NSUN3: variants seen among roughly 807,000 people sequenced by gnomAD.
The protein encoded by NSUN3 is tRNA (cytosine(34)-C(5))-methyltransferase, mitochondrial.
In NSUN3, 24 loss-of-function variants were observed where a neutral mutation model predicts 36.8. That is an observed-to-expected ratio of 0.65 (90% confidence interval 0.47 to 0.92). The LOEUF is 0.92. Ranked by LOEUF, NSUN3 falls within the 40% of genes least tolerant of loss-of-function variation. The probability of loss-of-function intolerance (pLI) is 0.00; values close to 1 mark genes in which losing one functional copy is unlikely to be tolerated. For synonymous variants in NSUN3, 146 were observed against 145.2 expected, an observed-to-expected ratio of 1.01 and a Z score of -0.04; for missense variants, 381 against 392.8, an observed-to-expected ratio of 0.97 and a Z score of 0.25.
At chr3:94,117,881 G>A (rs2107271586) in intron 5 of NSUN3, among the ~76,000 whole-genome samples, 1 of 152,248 alleles carries the variant, frequency 6.6e-6, no homozygotes, top group East Asian at 1.9e-4. Context: ...GGCTTCTGAA[G>A]GGAATATGTG....
At chr3:94,064,599 T>C (rs2077195699) in intron 2 of NSUN3, 53 bp downstream of exon 2, 1 of 1,127,058 alleles carries the variant, frequency 8.9e-7, no homozygotes, top group Non-Finnish European at 1.3e-6. Flanking sequence ...CAATATGTAG[T>C]CCTCCTTTTT....
Position 94,126,594 on chromosome 3 carries a change from T to C in NSUN3, c.*104T>C. 3 of 1,025,234 alleles carry C rather than the reference T, an allele frequency of 2.9e-6. No individual in the cohort carries two copies. Among genetic ancestry groups the C allele is most frequent in the Non-Finnish European group, 4.2e-6 (3 of 710,062 alleles). 63.5% of individuals were successfully genotyped at this position (1,025,234 alleles called of 1,614,324 possible). ...TGCAGTAACTTTCTCTGGGTCTGTT[T>C]GGAATCCTATTTAGTTAATACTTTA... is the stretch of plus-strand genomic sequence containing the variant. On this transcript the variant is annotated 3_prime_UTR_variant, in exon 6 of 6. Transcript: ENST00000314622.
At chr3:94,092,938 A>AAAG (rs2077322007) in intron 3 of NSUN3, among the ~76,000 whole-genome samples, 1 of 149,738 alleles carries the variant, frequency 6.7e-6, no homozygotes, top group African/African-American at 2.4e-5. Flanking sequence ...AAAAAAAAAA[A>AAAG]AAAAAAAGAA....
chr3:94,063,334 C>G (rs1295318429), intron 1 of NSUN3, 196 bp downstream of exon 1: 8 of 613,624 alleles, frequency 1.3e-5, no homozygotes, highest in Non-Finnish European at 2.3e-5. Context: ...TTCCGTCCAG[C>G]TCGCAGACTT....
chr3:94,121,746 A>G (rs776291280), intron 5 of NSUN3, among the ~76,000 whole-genome samples: 18 of 152,240 alleles, frequency 1.2e-4, no homozygotes, highest in Admixed American at 3.9e-4. Context: ...AAATGAATAC[A>G]TGAGATGTAT....
chr3:94,083,036 A>G (rs1235664154), intron 2 of NSUN3, among the ~76,000 whole-genome samples: 1 of 152,152 alleles, frequency 6.6e-6, no homozygotes, highest in African/African-American at 2.4e-5. Flanking sequence ...TCTCTAAGAA[A>G]AACACTTCCT....
chr3:94,086,174 C>T (rs987785342), intron 3 of NSUN3, among the ~76,000 whole-genome samples: 4 of 152,146 alleles, frequency 2.6e-5, no homozygotes, highest in Admixed American at 2.6e-4. Flanking sequence ...AAACTCTTGA[C>T]CTCAAGTGAT....
Position 94,095,237 on chromosome 3 carries a change from G to A in NSUN3, c.743+83G>A, listed in dbSNP as rs746996680. 258 of 1,369,452 alleles carry A rather than the reference G, an allele frequency of 1.9e-4. 1 individual carries two copies. The highest frequency in any genetic ancestry group is 2.5e-4 in the Non-Finnish European group (249 of 980,720). The allele number at this position is 1,369,452 out of a possible 1,614,324, so 84.8% of individuals were successfully genotyped here. A position where few individuals can be genotyped will look rare whatever the true frequency, so the allele number is the denominator to read the frequency against. On this transcript the variant is annotated intron_variant, in intron 5 of 5. Transcript: ENST00000314622. Reference sequence around the variant, plus strand: ...AATAGAACATGTCAGGCCCCCAGTGGAGGGCTTGCTGTGTAGGTGTCAATG... The same window carrying A: ...AATAGAACATGTCAGGCCCCCAGTGAAGGGCTTGCTGTGTAGGTGTCAATG...
chr3:94,124,688 CCTT>C (rs1421989735), intron 5 of NSUN3, among the ~76,000 whole-genome samples: 2 of 152,066 alleles, frequency 1.3e-5, no homozygotes, highest in African/African-American at 4.8e-5. Context: ...AATACAGTCA[CCTT>C]CTAAGGCACT....
chr3:94,119,946 T>A (rs567768167), intron 5 of NSUN3, among the ~76,000 whole-genome samples: 1 of 152,394 alleles, frequency 6.6e-6, no homozygotes, highest in East Asian at 1.9e-4. Context: ...TATACCTGCC[T>A]AATTTTAGAA....
At chr3:94,109,649 G>T (rs1338253796) in intron 5 of NSUN3, among the ~76,000 whole-genome samples, 1 of 152,198 alleles carries the variant, frequency 6.6e-6, no homozygotes, top group Non-Finnish European at 1.5e-5. Flanking sequence ...AGAAAAGTTG[G>T]TGGATTCCAC....
At chr3:94,114,746 C>T (rs2077432669) in intron 5 of NSUN3, among the ~76,000 whole-genome samples, 1 of 152,092 alleles carries the variant, frequency 6.6e-6, no homozygotes, top group South Asian at 2.1e-4. Flanking sequence ...ATAGTTTTTC[C>T]ACCCTTACCC....
intron 2 of NSUN3, among the ~76,000 whole-genome samples, chr3:94,075,756 A>G (rs1405683958): frequency 6.6e-6 from 1 of 150,496 alleles, no homozygotes; most frequent in African/African-American, 2.4e-5. Flanking sequence ...ATATTTAGAA[A>G]ACACCCACTG....
intron 2 of NSUN3, chr3:94,076,789 G>A: frequency 1.3e-6 from 2 of 1,565,826 alleles, no homozygotes; most frequent in Non-Finnish European, 1.8e-6. Flanking sequence ...AACGGGCCCT[G>A]TTTACTTCTC....
At chr3:94,085,102 C>T (rs2077286356) in intron 3 of NSUN3, 1 of 152,146 alleles carries the variant, frequency 6.6e-6, no homozygotes. Flanking sequence ...AGACTAGCCA[C>T]ATTTCAGGTG....
intron 5 of NSUN3, among the ~76,000 whole-genome samples, chr3:94,106,202 T>G (rs958882633): frequency 1.3e-5 from 2 of 152,196 alleles, no homozygotes. Flanking sequence ...GTACTAGTAC[T>G]TTATAAGAAA....
rs1331877407 is a variant in NSUN3 at position 94,126,453 on chromosome 3, C to A, written c.986C>A (p.Ala329Asp). ...KGKAWGPMYV[A>D]KLKKSWSTGK... is the part of the protein sequence containing the mutation. Reference sequence around the variant, plus strand: ...AAAGCCTGGGGCCCAATGTATGTAGCCAAATTGAAGAAATCATGGAGCACA... The same window carrying A: ...AAAGCCTGGGGCCCAATGTATGTAGACAAATTGAAGAAATCATGGAGCACA... Residue 329 changes from alanine (A) to aspartate (D), a missense_variant, in exon 6 of 6, where the codon GCC (alanine) becomes GAC (aspartate). By Grantham distance (126) the Ala-to-Asp change is moderately radical. Transcript: ENST00000314622. 1 of 1,611,114 alleles carries A rather than the reference C, an allele frequency of 6.2e-7. No homozygotes were observed. Among genetic ancestry groups the A allele is most frequent in the African/African-American group, 1.3e-5 (1 of 74,820 alleles).
intron 5 of NSUN3, among the ~76,000 whole-genome samples, chr3:94,100,021 G>A (rs2077358658): frequency 1.3e-5 from 2 of 152,112 alleles, no homozygotes; most frequent in Non-Finnish European, 2.9e-5. Context: ...ACATTAATGT[G>A]TATGAGTTTC....
At chr3:94,070,376 G>A (rs1174016755) in intron 2 of NSUN3, among the ~76,000 whole-genome samples, 1 of 152,100 alleles carries the variant, frequency 6.6e-6, no homozygotes, top group Non-Finnish European at 1.5e-5. Context: ...TAGGAGGATC[G>A]CTTGAGTCCA....
Sources: allele counts gnomAD v4.1 joint callset (sites outside exome capture counted in the v4.1 genomes callset), GRCh38; gene constraint gnomAD v4.1.1; transcripts MANE v1.5; gene names NCBI Gene and HGNC (gene_info 2026-07-23, HGNC 2026-07-21).